Variants in ZNF469 observed in about 807,000 individuals in gnomAD.
ZNF469 encodes the protein zinc finger protein 469.
In ZNF469, 1 loss-of-function variant was observed where a neutral mutation model predicts 1.0. The ratio of observed to expected loss-of-function variants is 1.00; its 90% CI spans 0.35 to 4.73. The LOEUF (loss-of-function observed/expected upper bound fraction) is 4.73, where lower values mean the gene tolerates loss of function less well. ZNF469 is among the 30% of genes most tolerant of loss of function. ZNF469 has a pLI of 0.16. For missense variants in ZNF469, 6,100 were observed against 5,356.3 expected (o/e 1.14, Z -4.33); for synonymous variants, 2,703 against 2,363.4 (o/e 1.14, Z -4.17).
the ZNF469 span, among the ~76,000 whole-genome samples, chr16:88,216,113 A>T: frequency 1.3e-5 from 2 of 152,200 alleles, no homozygotes; most frequent in Non-Finnish European, 2.9e-5. Context: ...ACTTGTCTGA[A>T]CATGTCTTTA....
At chr16:88,417,949 T>C (rs994068328) in intron 1 of ZNF469, among the ~76,000 whole-genome samples, 3 of 152,218 alleles carry the variant, frequency 2.0e-5, no homozygotes, top group African/African-American at 7.2e-5. Context: ...TGTATATGTG[T>C]GCATGAGTGT....
chr16:88,345,865 G>A, the ZNF469 span, among the ~76,000 whole-genome samples: 1 of 152,168 alleles, frequency 6.6e-6, no homozygotes. Context: ...TGACCTTCAG[G>A]CTTCAGCAAC....
At chr16:88,225,374 A>C in the ZNF469 span, among the ~76,000 whole-genome samples, 2 of 152,200 alleles carry the variant, frequency 1.3e-5, no homozygotes, top group Admixed American at 1.3e-4. Flanking sequence ...GCTTATCCCA[A>C]AATCTTATAG....
At chr16:88,389,972 G>C (rs4782517) in intron 1 of ZNF469, among the ~76,000 whole-genome samples, 40,467 of 152,114 alleles carry the variant, frequency 0.27, 6,146 homozygotes, top group African/African-American at 0.42. Flanking sequence ...GGTGGGGTCG[G>C]CCTGCGGAGG....
At chr16:88,417,876 G>A (rs550774931) in intron 1 of ZNF469, among the ~76,000 whole-genome samples, 1 of 152,342 alleles carries the variant, frequency 6.6e-6, no homozygotes, top group South Asian at 2.1e-4. Context: ...ATGTGTGGAT[G>A]TATGCACGTA....
chr16:88,381,037 CAT>C (rs1203256763), upstream of ZNF469, among the ~76,000 whole-genome samples: 4 of 149,098 alleles, frequency 2.7e-5, no homozygotes, highest in African/African-American at 5.0e-5. Context: ...CACTCACACA[CAT>C]GCACTCACAC....
At chr16:88,157,111 C>T in the ZNF469 span, among the ~76,000 whole-genome samples, 12 of 152,276 alleles carry the variant, frequency 7.9e-5, no homozygotes, top group African/African-American at 2.2e-4. Flanking sequence ...TCCTGTGTCC[C>T]GGAGGCTCCA....
At chr16:88,184,604 G>T in the ZNF469 span, among the ~76,000 whole-genome samples, 115 of 152,094 alleles carry the variant, frequency 7.6e-4, 1 homozygote, top group Non-Finnish European at 1.4e-3. Context: ...CCCGTTTCAG[G>T]GGGGAAGCTG....
upstream of ZNF469, among the ~76,000 whole-genome samples, chr16:88,378,086 C>T (rs1238102342): frequency 6.6e-6 from 1 of 152,106 alleles, no homozygotes; most frequent in Non-Finnish European, 1.5e-5. Context: ...CCAAGATCCC[C>T]CCAGTTCACC....
chr16:88,249,391 AT>A, the ZNF469 span, among the ~76,000 whole-genome samples: 7 of 105,050 alleles, frequency 6.7e-5, no homozygotes, highest in Admixed American at 1.9e-4. Context: ...CACAACTGCC[AT>A]TTTTTTTTCT....
At position 88,434,060 on chromosome 16, in the gene ZNF469, C is replaced by T. The variant is rs1476037808; in HGVS notation, c.6590C>T (p.Pro2197Leu). The change falls in exon 3 of 3, where the codon CCG (proline) becomes CTG (leucine). Residue 2197 changes from proline to leucine, a missense_variant. Transcript: ENST00000565624. ...TGAEDSPVAPPSLTTSPCDPK... is the reference protein window; with the variant it reads ...TGAEDSPVAPLSLTTSPCDPK... Reference sequence around the variant, plus strand: ...GCTGAGGATTCCCCGGTGGCTCCCCCGTCTTTGACAACAAGCCCCTGCGAT... The same window carrying T: ...GCTGAGGATTCCCCGGTGGCTCCCCTGTCTTTGACAACAAGCCCCTGCGAT... 8 of 1,550,228 alleles carry T rather than the reference C, an allele frequency of 5.2e-6. No individual in the cohort carries two copies. The highest frequency in any genetic ancestry group is 4.4e-6 in the Non-Finnish European group (5 of 1,146,918).
the ZNF469 span, among the ~76,000 whole-genome samples, chr16:88,199,189 G>C: frequency 6.6e-6 from 1 of 152,176 alleles, no homozygotes; most frequent in Non-Finnish European, 1.5e-5. Context: ...ACGGTCAAGG[G>C]CATGGGCACC....
intron 1 of ZNF469, among the ~76,000 whole-genome samples, chr16:88,391,200 C>G (rs894473236): frequency 6.6e-6 from 1 of 152,258 alleles, no homozygotes; most frequent in African/African-American, 2.4e-5. Flanking sequence ...ATGTGGAGAG[C>G]ACCTCAATGG....
the ZNF469 span, among the ~76,000 whole-genome samples, chr16:88,175,794 A>G: frequency 2.6e-5 from 4 of 152,232 alleles, no homozygotes; most frequent in Non-Finnish European, 4.4e-5. Flanking sequence ...AGAAGAGCAA[A>G]TTAAACTCAA....
chr16:88,307,539 C>T, the ZNF469 span, among the ~76,000 whole-genome samples: 1 of 152,190 alleles, frequency 6.6e-6, no homozygotes, highest in Non-Finnish European at 1.5e-5. Flanking sequence ...CAGCCAAGCT[C>T]CTGGGTGTGA....
the ZNF469 span, among the ~76,000 whole-genome samples, chr16:88,222,496 G>A: frequency 3.9e-5 from 6 of 152,190 alleles, no homozygotes; most frequent in Non-Finnish European, 7.3e-5. Context: ...GGTGGCTCAC[G>A]CCTGTAATCC....
the ZNF469 span, among the ~76,000 whole-genome samples, chr16:88,123,223 C>T: frequency 4.6e-5 from 7 of 152,088 alleles, no homozygotes; most frequent in Admixed American, 2.6e-4. Context: ...TTGGATGAGA[C>T]GGTTTTCCAG....
the ZNF469 span, among the ~76,000 whole-genome samples, chr16:88,111,915 G>A: frequency 6.6e-6 from 1 of 152,182 alleles, no homozygotes; most frequent in African/African-American, 2.4e-5. Flanking sequence ...GATTACAGGT[G>A]TGAGCCACCG....
At chr16:88,198,730 G>A in the ZNF469 span, among the ~76,000 whole-genome samples, 6 of 152,194 alleles carry the variant, frequency 3.9e-5, no homozygotes, top group Admixed American at 3.9e-4. Context: ...GTGAAACCTG[G>A]GCTTTGTTTC....
Sources: allele counts gnomAD v4.1 joint callset (sites outside exome capture counted in the v4.1 genomes callset), GRCh38; gene constraint gnomAD v4.1.1; transcripts MANE v1.5; gene names NCBI Gene and HGNC (gene_info 2026-07-23, HGNC 2026-07-21).